The following DLGAP2 variants were observed in gnomAD, a reference collection of about 807,000 sequenced individuals.
The protein encoded by DLGAP2 is disks large-associated protein 2.
Under a neutral mutation model 100.3 loss-of-function variants are expected in DLGAP2, and 26 were observed. That is an observed-to-expected ratio of 0.26 (90% confidence interval 0.19 to 0.36). The LOEUF (loss-of-function observed/expected upper bound fraction) is 0.36, where lower values mean the gene tolerates loss of function less well. Among genes scored for constraint, DLGAP2 ranks in the 10% least tolerant of loss-of-function variants. DLGAP2 has a pLI of 1.00. For missense variants in DLGAP2, 1,858 were observed against 1,453.2 expected, an observed-to-expected ratio of 1.28 and a Z score of -4.53; for synonymous variants, 886 against 630.1, an observed-to-expected ratio of 1.41 and a Z score of -6.08.
chr8:936,046 A>G lies in DLGAP2; in HGVS notation c.73+28080A>G, dbSNP rs117311370. Among the ~76,000 whole-genome samples the G allele has an allele frequency of 4.5e-3, 680 of 152,306 alleles. 2 individuals are homozygous for G. The highest frequency in any genetic ancestry group is 0.017 in the Middle Eastern group (5 of 294). On this transcript the variant is annotated intron_variant, in intron 2 of 14. Coordinates refer to ENST00000637795, the MANE Select transcript of DLGAP2 (RefSeq NM_001346810.2). ...CCCTGCCCAGTGGGACCCGTCTCCAACCTGCTGGAAATTAGCTCGCGGAGC... is the reference window on the plus strand; with the variant it reads ...CCCTGCCCAGTGGGACCCGTCTCCAGCCTGCTGGAAATTAGCTCGCGGAGC...
intron 3 of DLGAP2, among the ~76,000 whole-genome samples, chr8:1,276,836 G>T (rs4129418): frequency 6.6e-6 from 1 of 151,950 alleles, no homozygotes; most frequent in Non-Finnish European, 1.5e-5. Context: ...ATGGGAAGAC[G>T]TTATCATTTT....
intron 3 of DLGAP2, among the ~76,000 whole-genome samples, chr8:1,276,115 A>AAT (rs1417852067): frequency 2.1e-5 from 3 of 144,764 alleles, no homozygotes; most frequent in East Asian, 2.0e-4. Flanking sequence ...ATATATATAT[A>AAT]ATATATATAA....
At chr8:746,116 C>G (rs990677226) in intron 1 of DLGAP2, among the ~76,000 whole-genome samples, 5 of 152,226 alleles carry the variant, frequency 3.3e-5, no homozygotes, top group African/African-American at 1.2e-4. Flanking sequence ...GGGGGTGCGT[C>G]GCTGCTTTCC....
At chr8:1,601,812 TC>T (rs1308426574) in intron 6 of DLGAP2, among the ~76,000 whole-genome samples, 2 of 152,170 alleles carry the variant, frequency 1.3e-5, no homozygotes, top group Non-Finnish European at 2.9e-5. Context: ...CCTAAATGGT[TC>T]CTCTCAATCC....
intron 2 of DLGAP2, among the ~76,000 whole-genome samples, chr8:1,173,378 G>C (rs1036028879): frequency 6.6e-6 from 1 of 152,206 alleles, no homozygotes; most frequent in African/African-American, 2.4e-5. Context: ...CAGATCTCCA[G>C]CTGTGTGCTA....
intron 2 of DLGAP2, among the ~76,000 whole-genome samples, chr8:1,245,967 A>G (rs58670973): frequency 0.2 from 30,788 of 152,014 alleles, 3,811 homozygotes; most frequent in African/African-American, 0.34. Flanking sequence ...AGGCCTCAGC[A>G]TTTAGGAAAT....
intron 2 of DLGAP2, among the ~76,000 whole-genome samples, chr8:909,276 A>C (rs1278790245): frequency 2.0e-5 from 3 of 152,232 alleles, no homozygotes; most frequent in Non-Finnish European, 4.4e-5. Context: ...ACATGTGTAA[A>C]AAAGATTTTT....
At chr8:1,281,339 G>A (rs1799809805) in intron 3 of DLGAP2, among the ~76,000 whole-genome samples, 3 of 152,168 alleles carry the variant, frequency 2.0e-5, no homozygotes, top group African/African-American at 7.2e-5. Context: ...CCCGGCGAAG[G>A]CAGCCTCTTG....
At chr8:866,365 G>A (rs191129932) in intron 1 of DLGAP2, among the ~76,000 whole-genome samples, 50 of 152,336 alleles carry the variant, frequency 3.3e-4, no homozygotes, top group African/African-American at 7.9e-4. Flanking sequence ...AGTGCCAGGC[G>A]GGCGCAGGTG....
In DLGAP2 at chr8:1,281,751, G is replaced by A. The variant is rs144873812; in HGVS notation, c.106+22868G>A. 5.2e-3 allele frequency among the ~76,000 whole-genome samples: 795 copies of A among 152,298 alleles called. 8 individuals carry two copies. The highest frequency in any genetic ancestry group is 0.018 in the African/African-American group (744 of 41,568). On this transcript the variant is annotated intron_variant, in intron 3 of 14. Transcript: ENST00000637795. Reference sequence around the variant, plus strand: ...TCCTAGCTCCTTGAAAGCCTTCCCCGGGGAGTCAGCTGTATGAGATGGGAA... The same window carrying A: ...TCCTAGCTCCTTGAAAGCCTTCCCCAGGGAGTCAGCTGTATGAGATGGGAA...
At chr8:1,697,776 C>G (rs562527993) in intron 14 of DLGAP2, among the ~76,000 whole-genome samples, 2 of 152,156 alleles carry the variant, frequency 1.3e-5, no homozygotes, top group African/African-American at 4.8e-5. Flanking sequence ...CATTTTATAC[C>G]TTATTGAACC....
intron 8 of DLGAP2, among the ~76,000 whole-genome samples, chr8:1,635,245 C>G (rs1223800133): frequency 6.6e-6 from 1 of 152,040 alleles, no homozygotes; most frequent in East Asian, 1.9e-4. Context: ...TGGAAAAATA[C>G]CAAAGAAATG....
intron 2 of DLGAP2, among the ~76,000 whole-genome samples, chr8:1,069,636 G>A (rs533740524): frequency 9.2e-5 from 14 of 152,166 alleles, no homozygotes; most frequent in East Asian, 3.9e-4. Context: ...TAAAAATAGC[G>A]TCATTAGAGT....
chr8:1,137,141 G>A (rs975437065), intron 2 of DLGAP2, among the ~76,000 whole-genome samples: 5 of 152,118 alleles, frequency 3.3e-5, no homozygotes, highest in African/African-American at 1.2e-4. Flanking sequence ...TTGCAGCGTG[G>A]CCTCCTCCTT....
In DLGAP2 at chr8:1,418,741, C is replaced by T. The variant is rs143297260; in HGVS notation, c.107-82625C>T. 2.4e-3 allele frequency among the ~76,000 whole-genome samples: 368 copies of T among 152,292 alleles called. 3 individuals carry two copies. Among genetic ancestry groups the T allele is most frequent in the African/African-American group, 8.4e-3 (347 of 41,548 alleles). ...ACCGTTTCTCCCACTACCAGGACAC[C>T]AACTGGGCGTCCTCTAATTCATTGC... On this transcript the variant is annotated intron_variant, in intron 3 of 14. Transcript: ENST00000637795.
chr8:1,104,030 G>T (rs1804672656), intron 2 of DLGAP2, among the ~76,000 whole-genome samples: 1 of 152,210 alleles, frequency 6.6e-6, no homozygotes, highest in Admixed American at 6.5e-5. Context: ...GCGCTTGCTT[G>T]TGGGACACAG....
intron 2 of DLGAP2, among the ~76,000 whole-genome samples, chr8:984,636 G>T (rs1384697027): frequency 2.6e-5 from 4 of 152,236 alleles, no homozygotes; most frequent in Non-Finnish European, 5.9e-5. Flanking sequence ...GAACAGCGGT[G>T]TAAAGAGCAC....
At chr8:973,762 ACGCGCGGC>A (rs1800085534) in intron 2 of DLGAP2, among the ~76,000 whole-genome samples, 1 of 152,066 alleles carries the variant, frequency 6.6e-6, no homozygotes, top group Non-Finnish European at 1.5e-5. Flanking sequence ...AGGCAAATAT[ACGCGCGGC>A]TGAGCGGAGG....
At position 1,410,645 on chromosome 8, in the gene DLGAP2, A is replaced by G. The variant is rs866124005; in HGVS notation, c.107-90721A>G. On this transcript the variant is annotated intron_variant, in intron 3 of 14. Coordinates refer to ENST00000637795, the MANE Select transcript of DLGAP2 (RefSeq NM_001346810.2). ...CTCCTGGGGGAGCTTGTAAGTATGA[A>G]GAGGCAGCAGCACATAAGTGTGTTT... 3.9e-5 allele frequency among the ~76,000 whole-genome samples: 6 copies of G among 152,320 alleles called. No homozygotes were observed. In the South Asian group the frequency reaches 1.0e-3, roughly 26 times the overall value.
Sources: allele counts gnomAD v4.1 joint callset (sites outside exome capture counted in the v4.1 genomes callset), GRCh38; gene constraint gnomAD v4.1.1; transcripts MANE v1.5; gene names NCBI Gene and HGNC (gene_info 2026-07-23, HGNC 2026-07-21).